RALGPS1: variants seen among roughly 807,000 people sequenced by gnomAD.
The protein encoded by RALGPS1 is Ral GEF with PH domain and SH3 binding motif 1.
Under a neutral mutation model 78.8 loss-of-function variants are expected in RALGPS1, and 19 were observed. That is an observed-to-expected ratio of 0.24 (90% confidence interval 0.17 to 0.35). The LOEUF is 0.35. Ranked by LOEUF, RALGPS1 falls within the 10% of genes least tolerant of loss-of-function variation. RALGPS1 has a pLI of 1.00. For missense variants in RALGPS1, 454 were observed against 688.3 expected (o/e 0.66, Z 3.81); for synonymous variants, 228 against 256.3 (o/e 0.89, Z 1.06).
chr9:126,962,805 A>G (rs497873), intron 2 of RALGPS1, among the ~76,000 whole-genome samples: 89,094 of 152,124 alleles, frequency 0.59, 30,187 homozygotes, highest in East Asian at 0.81. Flanking sequence ...GTGGGGTTTG[A>G]GAGTTTGATT....
chr9:127,172,625 C>T (rs2059624371), intron 10 of RALGPS1, among the ~76,000 whole-genome samples: 1 of 152,228 alleles, frequency 6.6e-6, no homozygotes. Flanking sequence ...TCTTGTTCAT[C>T]AGCTGTAACT....
intron 8 of RALGPS1, among the ~76,000 whole-genome samples, chr9:127,132,847 A>G (rs1313763621): frequency 1.3e-5 from 2 of 152,200 alleles, no homozygotes; most frequent in South Asian, 4.1e-4. Flanking sequence ...TTTTTTCTTC[A>G]TAATCATCAT....
chr9:127,019,421 G>T (rs181657956), intron 4 of RALGPS1, among the ~76,000 whole-genome samples: 1 of 151,948 alleles, frequency 6.6e-6, no homozygotes, highest in Non-Finnish European at 1.5e-5. Flanking sequence ...TCTGCTTCCC[G>T]GGTTCATGCC....
In RALGPS1 at chr9:127,188,835, A is replaced by T. The variant is rs1203302382; in HGVS notation, c.911-6256A>T. Among the ~76,000 whole-genome samples the T allele has an allele frequency of 4.4e-4, 64 of 144,804 alleles. 5 individuals carry two copies. The South Asian group carries it at 0.011, about 25-fold the overall frequency. The allele number at this position is 144,804 out of a possible 152,430, so 95.0% of individuals were successfully genotyped here. On this transcript the variant is annotated intron_variant, in intron 11 of 18. Coordinates refer to ENST00000259351, the MANE Select transcript of RALGPS1 (RefSeq NM_014636.3). ...GACTAAGAAACCCCATCTCTACTAA[A>T]AAAAAAAAAAAAAATGTAGCCAGGC...
chr9:127,025,351 G>A (rs550984971), intron 4 of RALGPS1, among the ~76,000 whole-genome samples: 12 of 152,278 alleles, frequency 7.9e-5, no homozygotes, highest in South Asian at 2.1e-4. Flanking sequence ...TGAAGTTGCC[G>A]TAAACATGCA....
At chr9:126,979,272 T>TGTGC (rs1393349664) in intron 4 of RALGPS1, among the ~76,000 whole-genome samples, 1 of 150,074 alleles carries the variant, frequency 6.7e-6, no homozygotes, top group African/African-American at 2.5e-5. Context: ...TGTGTGTGTG[T>TGTGC]GTGCTTGTGT....
At chr9:126,984,262 C>T (rs1217089806) in intron 4 of RALGPS1, among the ~76,000 whole-genome samples, 1 of 152,140 alleles carries the variant, frequency 6.6e-6, no homozygotes, top group Non-Finnish European at 1.5e-5. Context: ...TGCCACCATG[C>T]TTGGCTAATT....
chr9:127,194,882 T>C (rs1187056565), intron 11 of RALGPS1, among the ~76,000 whole-genome samples: 1 of 152,148 alleles, frequency 6.6e-6, no homozygotes, highest in Non-Finnish European at 1.5e-5. Flanking sequence ...TTGTCAGCCT[T>C]GGGAGTCAAG....
At chr9:127,108,106 G>A in intron 8 of RALGPS1, 11 of 1,612,804 alleles carry the variant, frequency 6.8e-6, no homozygotes, top group East Asian at 2.2e-5. Flanking sequence ...GGGCCTGGCC[G>A]AGGGCACCCT....
At chr9:127,018,978 A>T (rs1390147772) in intron 4 of RALGPS1, among the ~76,000 whole-genome samples, 1 of 152,244 alleles carries the variant, frequency 6.6e-6, no homozygotes, top group Non-Finnish European at 1.5e-5. Context: ...TATTGAGTTA[A>T]ATAAAATAAA....
intron 17 of RALGPS1, among the ~76,000 whole-genome samples, chr9:127,214,493 T>G (rs1404083537): frequency 6.6e-6 from 1 of 152,230 alleles, no homozygotes; most frequent in African/African-American, 2.4e-5. Flanking sequence ...ATTTTATACA[T>G]TTGGAAACAT....
At chr9:126,940,706 C>A (rs1457972432) in intron 1 of RALGPS1, among the ~76,000 whole-genome samples, 4 of 152,034 alleles carry the variant, frequency 2.6e-5, no homozygotes, top group Non-Finnish European at 5.9e-5. Flanking sequence ...TATTCTTATG[C>A]TGTTGTGTAC....
chr9:127,091,594 C>T lies in RALGPS1; in HGVS notation c.610+22238C>T, dbSNP rs951937063. 41 of 1,547,126 alleles carry T rather than the reference C, an allele frequency of 2.7e-5. No individual in the cohort carries two copies. The highest frequency in any genetic ancestry group is 5.2e-6 in the Non-Finnish European group (6 of 1,145,704). ...CCCTGGGATCTTCCCGTTTCCAAGCCCTGGAGTCAGGGGCTCTGGCTCTGG... is the reference window on the plus strand; with the variant it reads ...CCCTGGGATCTTCCCGTTTCCAAGCTCTGGAGTCAGGGGCTCTGGCTCTGG... On this transcript the variant is annotated intron_variant, in intron 8 of 18. Transcript: ENST00000259351. This position sits in a 1 kb window ranked among gnomAD's most constrained non-coding sequence, Gnocchi z 4.3.
intron 9 of RALGPS1, 77 bp from the exon 10 acceptor site, chr9:127,168,602 A>T: frequency 9.8e-7 from 1 of 1,025,136 alleles, no homozygotes; most frequent in Non-Finnish European, 1.5e-6. Context: ...ATCTAAAATC[A>T]TGATTTCTAT....
chr9:127,036,285 T>C (rs935368434), intron 5 of RALGPS1, among the ~76,000 whole-genome samples: 25 of 152,258 alleles, frequency 1.6e-4, no homozygotes, highest in African/African-American at 6.0e-4. Flanking sequence ...AGGCCAGGCC[T>C]GGTCAGCCAT....
intron 8 of RALGPS1, chr9:127,108,898 G>A: frequency 1.4e-6 from 1 of 727,928 alleles, no homozygotes; most frequent in Non-Finnish European, 2.2e-6. Flanking sequence ...TCTGCTTCAG[G>A]ATGCTGGGTT....
chr9:126,973,767 A>G (rs771826659), intron 3 of RALGPS1, among the ~76,000 whole-genome samples: 6 of 151,802 alleles, frequency 4.0e-5, no homozygotes, highest in Non-Finnish European at 2.9e-5. Context: ...TCTCCTCCCA[A>G]CCCCCAGCAA....
rs143407427 is a variant in RALGPS1, at chr9:127,070,257, G to A, written c.610+901G>A. On this transcript the variant is annotated intron_variant, in intron 8 of 18. Transcript: ENST00000259351. ...CAGTGGGTGGAGCTCAGGCAGTAAT[G>A]CTTGCTAGCCCATCGCTCACCTCTT... Among the ~76,000 whole-genome samples, 8 of 152,336 alleles carry A rather than the reference G, an allele frequency of 5.3e-5. No individual in the cohort carries two copies. In the East Asian group the frequency reaches 1.5e-3, roughly 29 times the overall value.
intron 3 of RALGPS1, among the ~76,000 whole-genome samples, chr9:126,966,778 A>T (rs899068373): frequency 2.6e-5 from 4 of 152,130 alleles, no homozygotes; most frequent in Non-Finnish European, 5.9e-5. Context: ...AATTTAAAAA[A>T]ATATAAATTA....
Sources: gnomAD v4.1 joint callset for allele counts (sites outside exome capture counted in the v4.1 genomes callset) on GRCh38, gnomAD v4.1.1 for gene constraint, Gnocchi (gnomAD v3.1) non-coding constraint, MANE v1.5 for transcripts, NCBI Gene and HGNC (gene_info 2026-07-23, HGNC 2026-07-21) for gene names.